Variants in PPP1R9A observed in about 807,000 individuals in gnomAD.
The protein encoded by PPP1R9A is protein phosphatase 1 regulatory subunit 9A.
In PPP1R9A, 59 loss-of-function variants were observed where a neutral mutation model predicts 141.9. That is an observed-to-expected ratio of 0.42 (90% CI 0.34 to 0.52). PPP1R9A has a LOEUF of 0.52. Among genes scored for constraint, PPP1R9A ranks in the 20% least tolerant of loss-of-function variants. The pLI is 0.10. For synonymous variants in PPP1R9A, 500 were observed against 569.7 expected (o/e 0.88, Z 1.74); for missense variants, 1,444 against 1,611.9 (o/e 0.90, Z 1.78).
In PPP1R9A at chr7:94,910,005, G is replaced by C; in HGVS notation, c.-109G>C. ...ATCACTGACACCGTATACCATTTGA[G>C]AGGTACTTTTCTTGACCCAATACTG... On this transcript the variant is annotated 5_prime_UTR_variant, in exon 2 of 20. Coordinates refer to ENST00000433360, the MANE Select transcript of PPP1R9A (RefSeq NM_001166160.2). The surrounding 1 kb of genome is among the most constrained non-coding windows in gnomAD (Gnocchi z 4.5). 1.1e-6 allele frequency: 1 copy of C among 893,480 alleles called. No individual in the cohort carries two copies. Among genetic ancestry groups the C allele is most frequent in the African/African-American group, 1.7e-5 (1 of 59,678 alleles). 55.3% of individuals were successfully genotyped at this position (893,480 alleles called of 1,614,324 possible).
chr7:95,208,956 T>TAAAAAAAAAAAAAAAAAAAAAAAAAAAA (rs10670515), intron 7 of PPP1R9A, among the ~76,000 whole-genome samples: 2 of 76,916 alleles, frequency 2.6e-5, no homozygotes, highest in African/African-American at 1.1e-4. Context: ...ATAGCAAAAC[T>TAAAAAAAAAAAAAAAAAAAAAAAAAAAA]AAAAAAAAAA....
intron 5 of PPP1R9A, among the ~76,000 whole-genome samples, chr7:95,192,809 A>G (rs1200427443): frequency 6.7e-6 from 1 of 148,730 alleles, no homozygotes; most frequent in East Asian, 1.9e-4. Context: ...CATAACTGAA[A>G]TAATAACCTT....
intron 2 of PPP1R9A, chr7:95,018,177 C>G (rs897943844): frequency 9.1e-6 from 2 of 219,646 alleles, no homozygotes; most frequent in Non-Finnish European, 2.1e-5. Context: ...GAGGCTGATT[C>G]ATCTGCTGAC....
At chr7:95,257,915 A>G (rs1338035253) in intron 12 of PPP1R9A, among the ~76,000 whole-genome samples, 1 of 152,046 alleles carries the variant, frequency 6.6e-6, no homozygotes, top group Non-Finnish European at 1.5e-5. Context: ...CCACTCTATC[A>G]TTGTTGGACA....
chr7:95,204,803 CCA>C (rs1790403636), intron 7 of PPP1R9A, among the ~76,000 whole-genome samples: 2 of 140,326 alleles, frequency 1.4e-5, no homozygotes, highest in African/African-American at 2.6e-5. Context: ...CCACACATGC[CCA>C]CACACACATC....
At chr7:95,056,953 A>G (rs1406077714) in intron 2 of PPP1R9A, among the ~76,000 whole-genome samples, 2 of 152,142 alleles carry the variant, frequency 1.3e-5, no homozygotes, top group Non-Finnish European at 2.9e-5. Flanking sequence ...ACTTCAAGTT[A>G]TATATAAGAA....
chr7:94,987,845 T>C (rs1584135203), intron 2 of PPP1R9A, among the ~76,000 whole-genome samples: 1 of 152,188 alleles, frequency 6.6e-6, no homozygotes, highest in South Asian at 2.1e-4. Flanking sequence ...TCTTATTACA[T>C]ACATTTGAGA....
chr7:95,077,766 T>C (rs1432534904), intron 2 of PPP1R9A, among the ~76,000 whole-genome samples: 1 of 152,114 alleles, frequency 6.6e-6, no homozygotes, highest in Non-Finnish European at 1.5e-5. Context: ...AGAAAGGTTG[T>C]GTGTGAGGCC....
chr7:95,181,673 TATATATATTCC>T (rs1433241778), intron 5 of PPP1R9A, among the ~76,000 whole-genome samples: 1 of 134,456 alleles, frequency 7.4e-6, no homozygotes, highest in Non-Finnish European at 1.5e-5. Flanking sequence ...ATATAGAATA[TATATATATTCC>T]GTCACATATA....
chr7:94,991,135 G>A (rs945749862), intron 2 of PPP1R9A, among the ~76,000 whole-genome samples: 1 of 152,068 alleles, frequency 6.6e-6, no homozygotes, highest in East Asian at 1.9e-4. Flanking sequence ...GGCTGTACTA[G>A]TTTCCATTCC....
intron 2 of PPP1R9A, among the ~76,000 whole-genome samples, chr7:95,016,221 A>G (rs776833021): frequency 6.6e-6 from 1 of 152,116 alleles, no homozygotes; most frequent in Non-Finnish European, 1.5e-5. Flanking sequence ...GGGGCTAGAG[A>G]CAGATAGATG....
intron 12 of PPP1R9A, among the ~76,000 whole-genome samples, chr7:95,261,272 C>T (rs1486091083): frequency 6.6e-6 from 1 of 152,126 alleles, no homozygotes; most frequent in East Asian, 1.9e-4. Context: ...TATTTAGTAC[C>T]AGAAAATTCT....
At chr7:95,168,463 A>C (rs537188119) in intron 5 of PPP1R9A, among the ~76,000 whole-genome samples, 17 of 151,880 alleles carry the variant, frequency 1.1e-4, no homozygotes, top group South Asian at 2.1e-4. Flanking sequence ...TAGAGGAAAC[A>C]CTTCAGGACA....
At chr7:94,994,846 C>T (rs532594361) in intron 2 of PPP1R9A, among the ~76,000 whole-genome samples, 5 of 151,674 alleles carry the variant, frequency 3.3e-5, no homozygotes, top group Admixed American at 6.6e-5. Flanking sequence ...GAGTTGACAT[C>T]GCGCCACCAC....
intron 8 of PPP1R9A, among the ~76,000 whole-genome samples, chr7:95,243,452 A>G (rs1170349909): frequency 2.0e-5 from 3 of 152,172 alleles, no homozygotes; most frequent in Non-Finnish European, 4.4e-5. Flanking sequence ...ATTAATAATA[A>G]CAGCAGCTGA....
At chr7:95,159,356 A>G (rs774721136) in intron 4 of PPP1R9A, among the ~76,000 whole-genome samples, 2 of 152,184 alleles carry the variant, frequency 1.3e-5, no homozygotes, top group Non-Finnish European at 2.9e-5. Flanking sequence ...CTATTCATGC[A>G]TATATATAGA....
intron 5 of PPP1R9A, among the ~76,000 whole-genome samples, chr7:95,171,669 A>G (rs189908503): frequency 1.1e-3 from 169 of 151,798 alleles, no homozygotes; most frequent in Non-Finnish European, 1.6e-3. Flanking sequence ...ATGTGTATAC[A>G]TGAAGATGAG....
intron 2 of PPP1R9A, among the ~76,000 whole-genome samples, chr7:95,103,712 A>G (rs1477545147): frequency 6.6e-6 from 1 of 152,194 alleles, no homozygotes; most frequent in Non-Finnish European, 1.5e-5. Context: ...TAGGCTTACA[A>G]TTAGTGAAAT....
intron 2 of PPP1R9A, among the ~76,000 whole-genome samples, chr7:95,013,256 G>GAT (rs781680926): frequency 6.6e-6 from 1 of 151,998 alleles, no homozygotes; most frequent in Non-Finnish European, 1.5e-5. Context: ...TTGTTTTACT[G>GAT]ATATATATAT....
Sources: allele counts gnomAD v4.1 joint callset (sites outside exome capture counted in the v4.1 genomes callset), GRCh38; gene constraint gnomAD v4.1.1; non-coding constraint Gnocchi (gnomAD v3.1); transcripts MANE v1.5; gene names NCBI Gene and HGNC (gene_info 2026-07-23, HGNC 2026-07-21).